PCDH15: variants seen among roughly 807,000 people sequenced by gnomAD.
PCDH15 encodes the protein protocadherin-15.
PCDH15 carries 129 observed loss-of-function variants against 178.5 expected under a neutral mutation model. The observed-to-expected ratio is 0.72, with a 90% CI of 0.63 to 0.84. The LOEUF (loss-of-function observed/expected upper bound fraction) is 0.84, where lower values mean the gene tolerates loss of function less well. Among genes scored for constraint, PCDH15 ranks in the 40% least tolerant of loss-of-function variants. PCDH15 has a pLI of 0.00. For synonymous variants in PCDH15, 800 were observed against 732.0 expected (o/e 1.09, Z -1.50); for missense variants, 2,230 against 2,099.9 (o/e 1.06, Z -1.21).
intron 2 of PCDH15, among the ~76,000 whole-genome samples, chr10:54,646,256 C>G (rs576204932): frequency 3.3e-5 from 5 of 152,184 alleles, no homozygotes; most frequent in Admixed American, 1.3e-4. Flanking sequence ...GCAGCCTGGA[C>G]TCAGTGTAAA....
At chr10:54,799,932 G>C (rs1033632674) in intron 1 of PCDH15, among the ~76,000 whole-genome samples, 1 of 152,106 alleles carries the variant, frequency 6.6e-6, no homozygotes, top group Non-Finnish European at 1.5e-5. Context: ...CAAGCATTTT[G>C]CGCTCAAAAT....
chr10:55,414,942 C>A (rs1242707029), intron 2 of PCDH15, among the ~76,000 whole-genome samples: 1 of 151,488 alleles, frequency 6.6e-6, no homozygotes, highest in Non-Finnish European at 1.5e-5. Context: ...ATTGTTCTTG[C>A]TAGTATCTAG....
chr10:55,031,090 A>G (rs1204450696), intron 2 of PCDH15, among the ~76,000 whole-genome samples: 1 of 152,094 alleles, frequency 6.6e-6, no homozygotes, highest in Non-Finnish European at 1.5e-5. Context: ...AATTGATGAC[A>G]CTGTAAGATT....
intron 5 of PCDH15, among the ~76,000 whole-genome samples, chr10:54,364,966 A>C (rs566765547): frequency 8.5e-5 from 13 of 152,244 alleles, no homozygotes; most frequent in Admixed American, 2.6e-4. Context: ...ATAGTGGCTA[A>C]GTCCTTCTAA....
At chr10:54,983,872 T>C (rs1839301516) in intron 2 of PCDH15, among the ~76,000 whole-genome samples, 1 of 152,066 alleles carries the variant, frequency 6.6e-6, no homozygotes, top group Non-Finnish European at 1.5e-5. Context: ...CTCCTCCCCA[T>C]TCCCTGTAAA....
chr10:54,342,722 A>G (rs1942485461), intron 6 of PCDH15, among the ~76,000 whole-genome samples: 1 of 152,174 alleles, frequency 6.6e-6, no homozygotes, highest in Non-Finnish European at 1.5e-5. Flanking sequence ...AGGCAGCTGC[A>G]GGGGCAGTAC....
intron 2 of PCDH15, among the ~76,000 whole-genome samples, chr10:54,984,359 C>G (rs888486124): frequency 2.6e-5 from 4 of 152,112 alleles, no homozygotes; most frequent in African/African-American, 7.2e-5. Context: ...TCCTTTTTCC[C>G]TTGGAGACTC....
intron 2 of PCDH15, among the ~76,000 whole-genome samples, chr10:54,933,648 T>C (rs1706750): frequency 0.13 from 20,472 of 152,132 alleles, 1,567 homozygotes; most frequent in East Asian, 0.23. Flanking sequence ...TTAGTACCCA[T>C]TTCCCACCAA....
intron 5 of PCDH15, among the ~76,000 whole-genome samples, chr10:54,366,375 G>A (rs1029082463): frequency 3.3e-5 from 5 of 151,870 alleles, no homozygotes; most frequent in African/African-American, 1.2e-4. Context: ...ATACTAAAAG[G>A]ACAAATAGTA....
chr10:54,440,054 T>TG (rs1166674358), intron 3 of PCDH15, among the ~76,000 whole-genome samples: 4 of 151,914 alleles, frequency 2.6e-5, no homozygotes, highest in African/African-American at 4.8e-5. Context: ...GAATTTTGAC[T>TG]GGGGGGAAAA....
intron 2 of PCDH15, among the ~76,000 whole-genome samples, chr10:55,579,123 AT>A (rs1353056455): frequency 3.3e-5 from 5 of 152,210 alleles, no homozygotes; most frequent in African/African-American, 7.2e-5. Flanking sequence ...TTTAATAACA[AT>A]TTTTTATATA....
chr10:54,100,773 T>C (rs942000127), intron 15 of PCDH15, among the ~76,000 whole-genome samples: 1 of 152,128 alleles, frequency 6.6e-6, no homozygotes, highest in African/African-American at 2.4e-5. Context: ...TAGTAAGTGA[T>C]ATGATACCAT....
intron 8 of PCDH15, among the ~76,000 whole-genome samples, chr10:54,302,145 A>C (rs2060184898): frequency 6.6e-6 from 1 of 152,194 alleles, no homozygotes; most frequent in South Asian, 2.1e-4. Flanking sequence ...GGATTTTCAA[A>C]TAAATTATTT....
intron 3 of PCDH15, among the ~76,000 whole-genome samples, chr10:54,452,985 C>G (rs887568764): frequency 6.6e-6 from 1 of 152,016 alleles, no homozygotes. Flanking sequence ...AAGATGAGGT[C>G]GTACTGGAGT....
intron 15 of PCDH15, among the ~76,000 whole-genome samples, chr10:54,090,270 A>C (rs972804989): frequency 1.3e-5 from 2 of 152,208 alleles, no homozygotes; most frequent in African/African-American, 4.8e-5. Context: ...CCTGATGTGG[A>C]AATAATCATT....
intron 20 of PCDH15, 129 bp downstream of exon 20, chr10:54,020,063 T>A: frequency 5.4e-6 from 4 of 737,806 alleles, no homozygotes; most frequent in South Asian, 1.6e-5. Flanking sequence ...GGAAAATCTA[T>A]GTTATGGGTC....
chr10:54,381,950 C>T (rs975247016), intron 3 of PCDH15, among the ~76,000 whole-genome samples: 4 of 152,066 alleles, frequency 2.6e-5, no homozygotes, highest in African/African-American at 4.8e-5. Context: ...TTTCTCCCTA[C>T]AAAATCAGTA....
intron 2 of PCDH15, among the ~76,000 whole-genome samples, chr10:54,581,005 G>C (rs2090987938): frequency 6.6e-6 from 1 of 151,996 alleles, no homozygotes. Flanking sequence ...ATACTGAATG[G>C]GCAAAAGCGG....
chr10:54,111,237 G>A (rs1738603518), intron 15 of PCDH15, among the ~76,000 whole-genome samples: 1 of 152,118 alleles, frequency 6.6e-6, no homozygotes, highest in African/African-American at 2.4e-5. Context: ...AAACAACACA[G>A]TGAGAATCAT....
Sources: gnomAD v4.1 joint callset for allele counts (sites outside exome capture counted in the v4.1 genomes callset) on GRCh38, gnomAD v4.1.1 for gene constraint, MANE v1.5 for transcripts, NCBI Gene and HGNC (gene_info 2026-07-23, HGNC 2026-07-21) for gene names.